C5: variants seen among roughly 807,000 people sequenced by gnomAD.
The protein encoded by C5 is C3 and PZP-like alpha-2-macroglobulin domain-containing protein 4.
A neutral mutation model predicts 218.8 loss-of-function variants in C5; 140 were observed. The observed-to-expected ratio is 0.64, with a 90% confidence interval of 0.56 to 0.74. C5 has a LOEUF of 0.74. Ranked by LOEUF, C5 falls within the 30% of genes least tolerant of loss-of-function variation. C5 has a pLI of 0.00. For missense variants in C5, 1,700 were observed against 1,969.6 expected (o/e 0.86, Z 2.59); for synonymous variants, 614 against 682.3 (o/e 0.90, Z 1.56).
rs973793287 is a variant in C5 at position 121,035,951 on chromosome 9, G to A, written c.493-1057C>T. Among the ~76,000 whole-genome samples, 13 of 151,942 alleles carry A rather than the reference G, an allele frequency of 8.6e-5. 1 individual carries two copies. The highest frequency in any genetic ancestry group is 4.4e-5 in the Non-Finnish European group (3 of 67,994). On this transcript the variant is annotated intron_variant, in intron 4 of 40. Transcript: ENST00000223642. ...TGTAGTCCTAGCTACTCAGGAAGCT[G>A]AGGTGGGAGGATGGCTTGAGCCCAG...
At chr9:120,971,497 T>A (rs2046913160) in intron 31 of C5, among the ~76,000 whole-genome samples, 1 of 152,152 alleles carries the variant, frequency 6.6e-6, no homozygotes, top group African/African-American at 2.4e-5. Flanking sequence ...GCAGTGCAGT[T>A]GTGCCATCTC....
intron 22 of C5, among the ~76,000 whole-genome samples, chr9:120,993,589 A>AT (rs1157716011): frequency 6.6e-6 from 1 of 151,826 alleles, no homozygotes; most frequent in African/African-American, 2.4e-5. Context: ...CGCCTGGCTA[A>AT]TTTTTTGTAT....
chr9:121,023,006 G>A (rs2131777354), intron 10 of C5, among the ~76,000 whole-genome samples: 1 of 152,292 alleles, frequency 6.6e-6, no homozygotes, highest in African/African-American at 2.4e-5. Flanking sequence ...AACATAGTGA[G>A]AGAAAGGAGT....
chr9:120,987,027 A>G (rs2047037886), intron 25 of C5, among the ~76,000 whole-genome samples: 1 of 152,188 alleles, frequency 6.6e-6, no homozygotes, highest in African/African-American at 2.4e-5. Context: ...TCAAAAACCA[A>G]CTGATGATTC....
chr9:120,999,789 C>A, intron 20 of C5: 4 of 363,944 alleles, frequency 1.1e-5, no homozygotes, highest in East Asian at 1.1e-4. Context: ...GGAACTAAGC[C>A]CAAAATATCA....
At chr9:121,022,588 C>T (rs1587985047) in intron 10 of C5, among the ~76,000 whole-genome samples, 1 of 149,466 alleles carries the variant, frequency 6.7e-6, no homozygotes, top group Non-Finnish European at 1.5e-5. Flanking sequence ...ATAAATAACA[C>T]ATTTTGATTG....
chr9:121,070,421 A>ATATATG, the C5 span, among the ~76,000 whole-genome samples: 1 of 119,262 alleles, frequency 8.4e-6, no homozygotes, highest in African/African-American at 3.1e-5. Flanking sequence ...ATATATATAT[A>ATATATG]TATATGTATG....
rs766311056 is a variant in C5, at chr9:120,982,757, G to A, written c.3288C>T (p.Asn1096=). 3.2e-5 allele frequency: 52 copies of A among 1,603,946 alleles called. No individual in the cohort carries two copies. The highest frequency in any genetic ancestry group is 4.4e-5 in the Non-Finnish European group (51 of 1,171,566). ...ATAAAGAATTACAAATTGAATTTTG[G>A]TTCTGCTCTACGTATTTATTTACTT... is the stretch of plus-strand genomic sequence containing the variant. ...LGQVNKYVEQ[N]QNSICNSLLW... The change falls in exon 26 of 41, where the codon AAC becomes AAT. Residue 1096 remains asparagine, a synonymous_variant. Transcript: ENST00000223642.
At chr9:120,968,948 G>T in intron 33 of C5, 113 bp downstream of exon 33, 1 of 872,046 alleles carries the variant, frequency 1.1e-6, no homozygotes, top group South Asian at 1.4e-5. Flanking sequence ...TTAAACAATT[G>T]AACAATTTTG....
At chr9:121,060,942 C>T in the C5 span, among the ~76,000 whole-genome samples, 62 of 152,160 alleles carry the variant, frequency 4.1e-4, no homozygotes, top group Admixed American at 4.0e-3. Context: ...AATCCCAGCA[C>T]TTTGGGATGT....
At chr9:121,026,076 T>C (rs1484381527) in intron 8 of C5, among the ~76,000 whole-genome samples, 1 of 152,212 alleles carries the variant, frequency 6.6e-6, no homozygotes, top group Non-Finnish European at 1.5e-5. Flanking sequence ...CTTATAAAAT[T>C]GAGCGACTTG....
At chr9:120,956,338 A>C (rs899453723) in intron 39 of C5, among the ~76,000 whole-genome samples, 5 of 152,148 alleles carry the variant, frequency 3.3e-5, no homozygotes, top group African/African-American at 4.8e-5. Flanking sequence ...CACACACACA[A>C]AAATGCCTAG....
Position 121,013,966 on chromosome 9 carries a change from G to A in C5, c.2164C>T (p.Pro722Ser). ...TCAGTGAAAGCTTTGATGCATCTTG[G>A]CCCTAAACTAATCCGTGCAGCTCGC... ...EQRAARISLG[P>S]RCIKAFTECC... The change falls in exon 17 of 41, where the codon CCA becomes TCA. Residue 722 changes from proline to serine, a missense_variant. Coordinates refer to ENST00000223642, the MANE Select transcript of C5 (RefSeq NM_001735.3). The A allele has an allele frequency of 6.2e-7, 1 of 1,614,096 alleles. No individual in the cohort carries two copies. The highest frequency in any genetic ancestry group is 2.2e-5 in the East Asian group (1 of 44,880).
chr9:120,990,363 G>A (rs41311879), intron 23 of C5, among the ~76,000 whole-genome samples: 6 of 152,180 alleles, frequency 3.9e-5, no homozygotes, highest in African/African-American at 1.4e-4. Flanking sequence ...AGTCACTTGT[G>A]CAAATATCAC....
intron 25 of C5, among the ~76,000 whole-genome samples, chr9:120,988,472 G>C (rs1206923885): frequency 6.6e-6 from 1 of 152,170 alleles, no homozygotes; most frequent in East Asian, 1.9e-4. Flanking sequence ...CTAAGGAGGA[G>C]TATTCCAGAC....
chr9:121,049,891 A>AT (rs1488897911), intron 1 of C5, among the ~76,000 whole-genome samples: 1 of 152,198 alleles, frequency 6.6e-6, no homozygotes, highest in Non-Finnish European at 1.5e-5. Flanking sequence ...TAAGCAAAAA[A>AT]TGTCAAGAAA....
chr9:121,045,888 T>A (rs2047622483), intron 2 of C5, among the ~76,000 whole-genome samples: 1 of 152,150 alleles, frequency 6.6e-6, no homozygotes, highest in Non-Finnish European at 1.5e-5. Context: ...AATAGTAATT[T>A]TCATAGCAAA....
chr9:120,976,598 G>C (rs1036516113), intron 29 of C5, 102 bp downstream of exon 29: 8 of 906,926 alleles, frequency 8.8e-6, no homozygotes, highest in Non-Finnish European at 1.5e-5. Flanking sequence ...CATATCTATT[G>C]CATGCTCATT....
chr9:121,003,311 G>T (rs933222062), intron 20 of C5, among the ~76,000 whole-genome samples: 2 of 151,552 alleles, frequency 1.3e-5, no homozygotes, highest in African/African-American at 4.8e-5. Context: ...AAAAAAAAAA[G>T]ATAATACCAT....
Sources: allele counts gnomAD v4.1 joint callset (sites outside exome capture counted in the v4.1 genomes callset), GRCh38; gene constraint gnomAD v4.1.1; transcripts MANE v1.5; gene names NCBI Gene and HGNC (gene_info 2026-07-23, HGNC 2026-07-21).